Variants in CNTNAP2 observed in about 807,000 individuals in gnomAD.
CNTNAP2 encodes the protein contactin-associated protein-like 2.
Under a neutral mutation model 155.2 loss-of-function variants are expected in CNTNAP2, and 98 were observed. The ratio of observed to expected loss-of-function variants is 0.63; its 90% CI spans 0.54 to 0.75. The LOEUF is 0.75. CNTNAP2 is among the 30% of genes least tolerant of loss of function. CNTNAP2 has a pLI of 0.00. For synonymous variants in CNTNAP2, 651 were observed against 631.2 expected, an observed-to-expected ratio of 1.03 and a Z score of -0.47; for missense variants, 1,727 against 1,688.1, an observed-to-expected ratio of 1.02 and a Z score of -0.40.
chr7:147,015,485 A>C (rs938588769), intron 3 of CNTNAP2, among the ~76,000 whole-genome samples: 3 of 152,084 alleles, frequency 2.0e-5, no homozygotes, highest in African/African-American at 7.2e-5. Context: ...ATGCCCTATA[A>C]CATCTAAAGA....
chr7:146,641,257 C>T (rs747043100), intron 1 of CNTNAP2, among the ~76,000 whole-genome samples: 5 of 152,074 alleles, frequency 3.3e-5, no homozygotes, highest in African/African-American at 7.2e-5. Context: ...AACCCAGAGG[C>T]GGAGCTTGCA....
chr7:147,259,512 A>C (rs939462180), intron 8 of CNTNAP2, among the ~76,000 whole-genome samples: 2 of 152,210 alleles, frequency 1.3e-5, no homozygotes, highest in African/African-American at 4.8e-5. Flanking sequence ...TAAATAAACA[A>C]TATTTTTAAG....
chr7:148,245,232 T>C (rs921003004), intron 20 of CNTNAP2, among the ~76,000 whole-genome samples: 1 of 152,210 alleles, frequency 6.6e-6, no homozygotes. Context: ...CACAGACCTC[T>C]GGGCTAGCTA....
At chr7:147,485,530 C>A (rs750947776) in intron 10 of CNTNAP2, among the ~76,000 whole-genome samples, 1 of 152,152 alleles carries the variant, frequency 6.6e-6, no homozygotes, top group Non-Finnish European at 1.5e-5. Context: ...CTTGATGATA[C>A]CCCTCTTTAC....
At chr7:148,122,229 C>T (rs1032695683) in intron 16 of CNTNAP2, among the ~76,000 whole-genome samples, 2 of 152,154 alleles carry the variant, frequency 1.3e-5, no homozygotes, top group African/African-American at 4.8e-5. Context: ...TGGTGTTTGA[C>T]CCCAAACATT....
At chr7:147,405,246 C>G (rs1227955121) in intron 10 of CNTNAP2, among the ~76,000 whole-genome samples, 1 of 152,092 alleles carries the variant, frequency 6.6e-6, no homozygotes, top group Admixed American at 6.5e-5. Context: ...TTATTTCTTG[C>G]TTTTGATATC....
intron 13 of CNTNAP2, among the ~76,000 whole-genome samples, chr7:147,840,039 A>G (rs1798703893): frequency 6.6e-6 from 1 of 152,136 alleles, no homozygotes; most frequent in African/African-American, 2.4e-5. Flanking sequence ...ATTGGAGGTC[A>G]TTATGTTAAA....
chr7:146,233,165 A>C (rs1799414459), intron 1 of CNTNAP2, among the ~76,000 whole-genome samples: 3 of 146,566 alleles, frequency 2.0e-5, no homozygotes, highest in South Asian at 4.3e-4. Context: ...AGAAAAATCC[A>C]AAAAAAAGTG....
At chr7:147,669,939 T>C (rs117267807) in intron 13 of CNTNAP2, among the ~76,000 whole-genome samples, 6,146 of 152,270 alleles carry the variant, frequency 0.04, 137 homozygotes, top group Middle Eastern at 0.13. Context: ...GAGCAGGTAA[T>C]CCACGGTTCT....
chr7:146,249,593 G>C (rs1314879710), intron 1 of CNTNAP2, among the ~76,000 whole-genome samples: 1 of 152,114 alleles, frequency 6.6e-6, no homozygotes, highest in Non-Finnish European at 1.5e-5. Flanking sequence ...CTTATTATGT[G>C]CTGCTTGAAT....
intron 3 of CNTNAP2, among the ~76,000 whole-genome samples, chr7:147,001,623 A>C (rs1157494435): frequency 6.6e-6 from 1 of 151,992 alleles, no homozygotes; most frequent in Non-Finnish European, 1.5e-5. Flanking sequence ...TGTAATTCTT[A>C]TCTCCAGCCA....
intron 8 of CNTNAP2, among the ~76,000 whole-genome samples, chr7:147,237,072 T>A (rs1803824835): frequency 1.6e-5 from 1 of 64,516 alleles, no homozygotes; most frequent in Non-Finnish European, 3.0e-5. Flanking sequence ...TTTTTTTTTT[T>A]TTTTTTTTTT....
chr7:147,481,485 C>T (rs1798422374), intron 10 of CNTNAP2, among the ~76,000 whole-genome samples: 1 of 152,212 alleles, frequency 6.6e-6, no homozygotes, highest in South Asian at 2.1e-4. Context: ...TGAATTGCAA[C>T]ATCCATCTAA....
intron 1 of CNTNAP2, among the ~76,000 whole-genome samples, chr7:146,759,920 T>G (rs1802062257): frequency 6.6e-6 from 1 of 152,150 alleles, no homozygotes; most frequent in Admixed American, 6.6e-5. Flanking sequence ...CGTTTAGTAA[T>G]TTAATATATA....
intron 13 of CNTNAP2, among the ~76,000 whole-genome samples, chr7:147,724,319 A>G (rs1486882954): frequency 6.6e-6 from 1 of 151,984 alleles, no homozygotes; most frequent in African/African-American, 2.4e-5. Flanking sequence ...GTCCTAGAGG[A>G]ATTATTAGAA....
intron 13 of CNTNAP2, among the ~76,000 whole-genome samples, chr7:147,806,040 G>T (rs776064062): frequency 6.6e-5 from 10 of 152,120 alleles, no homozygotes; most frequent in Non-Finnish European, 1.3e-4. Flanking sequence ...CAGCAAGGGA[G>T]ACAATCAACA....
chr7:147,425,143 T>G (rs1797357175), intron 10 of CNTNAP2, among the ~76,000 whole-genome samples: 1 of 152,072 alleles, frequency 6.6e-6, no homozygotes, highest in Non-Finnish European at 1.5e-5. Context: ...GAATTTTTTT[T>G]TTTTTTAGAA....
chr7:146,776,253 A>C (rs1237849492), intron 2 of CNTNAP2, among the ~76,000 whole-genome samples: 1 of 152,200 alleles, frequency 6.6e-6, no homozygotes, highest in Non-Finnish European at 1.5e-5. Context: ...TAATGCCGAG[A>C]GACATAAAGC....
At chr7:147,687,645 T>C (rs1796032830) in intron 13 of CNTNAP2, among the ~76,000 whole-genome samples, 1 of 152,078 alleles carries the variant, frequency 6.6e-6, no homozygotes, top group Non-Finnish European at 1.5e-5. Flanking sequence ...GGAGGAGTAA[T>C]TTAACCATTG....
Sources: allele counts gnomAD v4.1 joint callset (sites outside exome capture counted in the v4.1 genomes callset), GRCh38; gene constraint gnomAD v4.1.1; transcripts MANE v1.5; gene names NCBI Gene and HGNC (gene_info 2026-07-23, HGNC 2026-07-21).